PRICKLE2: variants seen among roughly 807,000 people sequenced by gnomAD.
PRICKLE2 encodes prickle planar cell polarity protein 2, also known as prickle-like protein 2.
Under a neutral mutation model 81.4 loss-of-function variants are expected in PRICKLE2, and 21 were observed. The observed-to-expected ratio is 0.26, with a 90% CI of 0.18 to 0.37. The LOEUF is 0.37. Among genes scored for constraint, PRICKLE2 ranks in the 10% least tolerant of loss-of-function variants. The probability of loss-of-function intolerance (pLI) is 1.00; values close to 1 mark genes in which losing one functional copy is unlikely to be tolerated. For synonymous variants in PRICKLE2, 456 were observed against 421.5 expected, an observed-to-expected ratio of 1.08 and a Z score of -1.00; for missense variants, 940 against 1,109.0, an observed-to-expected ratio of 0.85 and a Z score of 2.16.
intron 2 of PRICKLE2, among the ~76,000 whole-genome samples, chr3:64,234,673 A>G (rs1330131264): frequency 2.0e-5 from 3 of 152,112 alleles, no homozygotes; most frequent in Non-Finnish European, 2.9e-5. Context: ...AAGTTCGTTT[A>G]TCTATTTTTT....
intron 2 of PRICKLE2, among the ~76,000 whole-genome samples, chr3:64,180,122 GT>G (rs1263803032): frequency 6.6e-6 from 1 of 152,176 alleles, no homozygotes; most frequent in Non-Finnish European, 1.5e-5. Context: ...TACTTTGAAT[GT>G]TATGTGCGTA....
intron 2 of PRICKLE2, among the ~76,000 whole-genome samples, chr3:64,172,801 C>T (rs2077955574): frequency 6.6e-6 from 1 of 152,056 alleles, no homozygotes; most frequent in Non-Finnish European, 1.5e-5. Flanking sequence ...GGTCATAAGG[C>T]TGGGGCCCTA....
intron 6 of PRICKLE2, 23 bp downstream of exon 6, chr3:64,153,159 C>G (rs917090909): frequency 2.5e-6 from 4 of 1,612,416 alleles, no homozygotes; most frequent in South Asian, 2.2e-5. Flanking sequence ...AAGGACCAAG[C>G]TGACTGCCAA....
At chr3:64,180,740 C>T (rs544178505) in intron 2 of PRICKLE2, among the ~76,000 whole-genome samples, 10 of 152,214 alleles carry the variant, frequency 6.6e-5, no homozygotes, top group African/African-American at 2.4e-4. Context: ...ACCATGTTGG[C>T]CAGGCTGGTC....
chr3:64,152,320 T>C (rs1289786393), intron 6 of PRICKLE2, among the ~76,000 whole-genome samples: 1 of 152,102 alleles, frequency 6.6e-6, no homozygotes, highest in Non-Finnish European at 1.5e-5. Context: ...ACTGCCAACT[T>C]TTTTATTCCC....
intron 2 of PRICKLE2, among the ~76,000 whole-genome samples, chr3:64,230,957 T>G (rs1226203030): frequency 6.6e-6 from 1 of 152,182 alleles, no homozygotes; most frequent in African/African-American, 2.4e-5. Flanking sequence ...AAGCACCCCC[T>G]CAAGCCTTCT....
At chr3:64,136,515 T>C (rs754813492) in intron 7 of PRICKLE2, among the ~76,000 whole-genome samples, 17 of 150,634 alleles carry the variant, frequency 1.1e-4, no homozygotes, top group Non-Finnish European at 2.1e-4. Flanking sequence ...ATGGAGTGGA[T>C]AGTTTATTGT....
intron 7 of PRICKLE2, among the ~76,000 whole-genome samples, chr3:64,123,812 C>T (rs1053895231): frequency 1.3e-5 from 2 of 152,160 alleles, no homozygotes; most frequent in African/African-American, 2.4e-5. Flanking sequence ...CACTGACCCA[C>T]CATTCCCCCA....
chr3:64,220,402 G>A (rs1437150084), intron 1 of PRICKLE2, among the ~76,000 whole-genome samples: 3 of 152,190 alleles, frequency 2.0e-5, no homozygotes, highest in Non-Finnish European at 4.4e-5. Flanking sequence ...GGCAACTCAA[G>A]TCAGCCACCT....
At chr3:64,118,912 A>G (rs1278917944) in intron 7 of PRICKLE2, among the ~76,000 whole-genome samples, 1 of 152,190 alleles carries the variant, frequency 6.6e-6, no homozygotes, top group Admixed American at 6.5e-5. Context: ...ATAAAGAAAG[A>G]TGCAGGTGTT....
intron 2 of PRICKLE2, among the ~76,000 whole-genome samples, chr3:64,171,595 G>C (rs1237084529): frequency 2.0e-5 from 3 of 152,170 alleles, no homozygotes; most frequent in African/African-American, 7.2e-5. Context: ...AAGAGGGTCT[G>C]GCATGTACAA....
intron 7 of PRICKLE2, among the ~76,000 whole-genome samples, chr3:64,113,248 A>C (rs749975492): frequency 1.3e-5 from 2 of 152,150 alleles, no homozygotes; most frequent in Non-Finnish European, 2.9e-5. Flanking sequence ...AGGGGTGGCC[A>C]TTCCCCTAGA....
intron 1 of PRICKLE2, among the ~76,000 whole-genome samples, chr3:64,224,251 T>A (rs1020095510): frequency 3.9e-5 from 6 of 152,130 alleles, no homozygotes; most frequent in Non-Finnish European, 7.3e-5. Flanking sequence ...GGATTAAAAA[T>A]CTGTATTTCA....
At position 64,098,925 on chromosome 3, in the gene PRICKLE2, T is replaced by TGACA. The variant is rs2076607960; in HGVS notation, c.*122_*125dup. The TGACA allele has an allele frequency of 3.8e-6, 4 of 1,063,208 alleles. No individual in the cohort carries two copies. The Admixed American group carries it at 7.0e-5, about 19-fold the overall frequency. 65.9% of individuals were successfully genotyped at this position (1,063,208 alleles called of 1,614,324 possible). A position where few individuals can be genotyped will look rare whatever the true frequency, so the allele number is the denominator to read the frequency against. ...AACCTGTAACCTTGCCTCCATCTAC[T>TGACA]GACAGCATTTTCCCTTTTCTCCCCC... On this transcript the variant is annotated 3_prime_UTR_variant, in exon 8 of 8. Coordinates refer to ENST00000638394, the MANE Select transcript of PRICKLE2 (RefSeq NM_198859.4).
At chr3:64,208,752 T>C (rs1231621535) in intron 1 of PRICKLE2, among the ~76,000 whole-genome samples, 1 of 152,242 alleles carries the variant, frequency 6.6e-6, no homozygotes, top group African/African-American at 2.4e-5. Flanking sequence ...TTTTTATCCA[T>C]TTCACAGATA....
chr3:64,160,183 T>TA lies in PRICKLE2; in HGVS notation c.259-107dup. On this transcript the variant is annotated intron_variant, in intron 3 of 7. Transcript: ENST00000638394. ...CGTTAAATACACTCTCATTTGGTTT[T>TA]ATAGCCCTCGCCTGAACTTTAACCA... The TA allele has an allele frequency of 4.8e-6, 6 of 1,259,742 alleles. No homozygotes were observed. In the South Asian group the frequency reaches 7.2e-5, roughly 15 times the overall value. 78.0% of individuals were successfully genotyped at this position (1,259,742 alleles called of 1,614,324 possible).
chr3:64,177,409 A>G (rs2078045243), intron 2 of PRICKLE2, among the ~76,000 whole-genome samples: 1 of 152,096 alleles, frequency 6.6e-6, no homozygotes, highest in Admixed American at 6.5e-5. Context: ...CTGGGATTAT[A>G]GACGTGAGCC....
intron 2 of PRICKLE2, among the ~76,000 whole-genome samples, chr3:64,250,519 C>T (rs1293436872): frequency 6.6e-6 from 1 of 152,160 alleles, no homozygotes; most frequent in Non-Finnish European, 1.5e-5. Context: ...CTTCCCCCAT[C>T]CCTGATTAGT....
At chr3:64,183,917 G>C (rs1657902681) in intron 2 of PRICKLE2, among the ~76,000 whole-genome samples, 1 of 152,192 alleles carries the variant, frequency 6.6e-6, no homozygotes, top group African/African-American at 2.4e-5. Context: ...ATGTCGTAGG[G>C]GAAGAGTGGT....
Sources: allele counts gnomAD v4.1 joint callset (sites outside exome capture counted in the v4.1 genomes callset), GRCh38; gene constraint gnomAD v4.1.1; transcripts MANE v1.5; gene names NCBI Gene and HGNC (gene_info 2026-07-23, HGNC 2026-07-21).